MYO5B: variants seen among roughly 807,000 people sequenced by gnomAD.
MYO5B encodes the protein unconventional myosin-Vb.
Under a neutral mutation model 229.3 loss-of-function variants are expected in MYO5B, and 143 were observed. That is an observed-to-expected ratio of 0.62 (90% confidence interval 0.54 to 0.72). The LOEUF (loss-of-function observed/expected upper bound fraction) is 0.72, where lower values mean the gene tolerates loss of function less well. MYO5B is among the 30% of genes least tolerant of loss of function. The probability of loss-of-function intolerance (pLI) is 0.00; values close to 1 mark genes in which losing one functional copy is unlikely to be tolerated. For missense variants in MYO5B, 2,321 were observed against 2,331.0 expected (o/e 1.00, Z 0.09); for synonymous variants, 918 against 885.2 (o/e 1.04, Z -0.66).
chr18:50,093,949 T>G (rs2031500647), intron 1 of MYO5B, among the ~76,000 whole-genome samples: 1 of 152,212 alleles, frequency 6.6e-6, no homozygotes, highest in Non-Finnish European at 1.5e-5. Context: ...TTGTTTAGCA[T>G]GTAATCAAGA....
intron 7 of MYO5B, among the ~76,000 whole-genome samples, chr18:49,989,081 G>A (rs1019905273): frequency 6.6e-6 from 1 of 152,120 alleles, no homozygotes; most frequent in Admixed American, 6.5e-5. Flanking sequence ...CATCATAATT[G>A]ACAAGCTAAG....
At chr18:49,848,450 G>C (rs1199686741) in intron 32 of MYO5B, among the ~76,000 whole-genome samples, 1 of 152,230 alleles carries the variant, frequency 6.6e-6, no homozygotes, top group Admixed American at 6.5e-5. Context: ...GTGACACCCA[G>C]GGAAGGGTGC....
chr18:49,963,055 G>A (rs1450779819), intron 10 of MYO5B, 25 bp from the exon 11 acceptor site: 1 of 1,595,942 alleles, frequency 6.3e-7, no homozygotes, highest in Middle Eastern at 1.7e-4. Flanking sequence ...GAGAAGATAA[G>A]AGACGTCTCC....
intron 37 of MYO5B, 85 bp from the exon 38 acceptor site, chr18:49,836,970 C>G: frequency 4.6e-6 from 6 of 1,308,192 alleles, no homozygotes; most frequent in Non-Finnish European, 4.3e-6. Flanking sequence ...TTTGCAGGCC[C>G]GCTGCAGCTA....
chr18:49,975,716 C>G (rs970970645), intron 9 of MYO5B, among the ~76,000 whole-genome samples: 8 of 152,100 alleles, frequency 5.3e-5, no homozygotes, highest in Non-Finnish European at 1.2e-4. Context: ...CCAGTTTAGG[C>G]CTCTTTTCCT....
chr18:50,174,334 T>C (rs1427370997), intron 1 of MYO5B, among the ~76,000 whole-genome samples: 1 of 152,066 alleles, frequency 6.6e-6, no homozygotes, highest in Non-Finnish European at 1.5e-5. Flanking sequence ...CAGGGGATGG[T>C]GCACTCTCAC....
At chr18:50,080,053 T>C (rs906868374) in intron 1 of MYO5B, among the ~76,000 whole-genome samples, 10 of 152,230 alleles carry the variant, frequency 6.6e-5, no homozygotes, top group Non-Finnish European at 8.8e-5. Context: ...TGCAACTTAG[T>C]GGCCCTGAAT....
At chr18:49,964,594 T>C (rs2025600790) in intron 10 of MYO5B, among the ~76,000 whole-genome samples, 1 of 152,220 alleles carries the variant, frequency 6.6e-6, no homozygotes, top group Non-Finnish European at 1.5e-5. Flanking sequence ...AACTGTGTAA[T>C]GTTAGCTTTT....
Position 49,864,976 on chromosome 18 carries a change from G to A in MYO5B, c.3604-596C>T, listed in dbSNP as rs183379191. On this transcript the variant is annotated intron_variant, in intron 27 of 39. Coordinates refer to ENST00000285039, the MANE Select transcript of MYO5B (RefSeq NM_001080467.3). Reference sequence around the variant, plus strand: ...AATACCTACATACAGAATTGAATGTGCTATAGGAACTCAACTTTGGAACAT... The same window carrying A: ...AATACCTACATACAGAATTGAATGTACTATAGGAACTCAACTTTGGAACAT... Among the ~76,000 whole-genome samples, 4 of 152,282 alleles carry A rather than the reference G, an allele frequency of 2.6e-5. No individual in the cohort carries two copies. The East Asian group carries it at 7.7e-4, about 29-fold the overall frequency.
intron 1 of MYO5B, among the ~76,000 whole-genome samples, chr18:50,074,928 C>T (rs887810976): frequency 3.9e-5 from 6 of 152,102 alleles, no homozygotes; most frequent in Non-Finnish European, 5.9e-5. Context: ...TCAAGTGATT[C>T]TCCTGCCTCA....
At chr18:49,926,238 A>C (rs2025127361) in intron 17 of MYO5B, among the ~76,000 whole-genome samples, 1 of 152,190 alleles carries the variant, frequency 6.6e-6, no homozygotes, top group African/African-American at 2.4e-5. Flanking sequence ...GTCAAATGTA[A>C]ATTCCTAATT....
intron 22 of MYO5B, among the ~76,000 whole-genome samples, chr18:49,891,070 G>C (rs1347264676): frequency 6.6e-6 from 1 of 152,128 alleles, no homozygotes; most frequent in African/African-American, 2.4e-5. Flanking sequence ...CTTGAAGTCA[G>C]AAGATCCTTC....
intron 1 of MYO5B, among the ~76,000 whole-genome samples, chr18:50,079,528 G>C (rs1397772798): frequency 6.6e-6 from 1 of 152,170 alleles, no homozygotes; most frequent in Admixed American, 6.5e-5. Context: ...CCTTGAGGCA[G>C]AGCCCTTCCC....
intron 22 of MYO5B, among the ~76,000 whole-genome samples, chr18:49,886,974 T>C (rs937878684): frequency 1.9e-4 from 29 of 152,116 alleles, no homozygotes. Flanking sequence ...CCTCCAAATC[T>C]CGTGTTGAAA....
intron 1 of MYO5B, among the ~76,000 whole-genome samples, chr18:50,125,795 C>T (rs573899896): frequency 6.6e-6 from 1 of 152,312 alleles, no homozygotes; most frequent in South Asian, 2.1e-4. Flanking sequence ...AACAAGCAGA[C>T]TATCCATACA....
intron 3 of MYO5B, among the ~76,000 whole-genome samples, chr18:50,039,131 C>T (rs1363369662): frequency 1.3e-5 from 2 of 151,914 alleles, no homozygotes; most frequent in East Asian, 1.9e-4. Flanking sequence ...GAGGCGTTCC[C>T]TCCCGGGACA....
intron 23 of MYO5B, 99 bp from the exon 24 acceptor site, chr18:49,879,189 T>C (rs1231065699): frequency 6.8e-7 from 1 of 1,477,144 alleles, no homozygotes; most frequent in Non-Finnish European, 9.4e-7. Context: ...AGGCTGCCCA[T>C]GACGAGCTCA....
chr18:50,173,747 G>T (rs1395300732), intron 1 of MYO5B, among the ~76,000 whole-genome samples: 1 of 152,120 alleles, frequency 6.6e-6, no homozygotes, highest in African/African-American at 2.4e-5. Context: ...AGAGCTGGGG[G>T]GAGAAACAGG....
At chr18:49,829,229 G>C (rs1437376481) in intron 39 of MYO5B, among the ~76,000 whole-genome samples, 6 of 151,342 alleles carry the variant, frequency 4.0e-5, no homozygotes, top group African/African-American at 1.5e-4. Context: ...CAGGTGTGTG[G>C]GAAGACTAAA....
Sources: gnomAD v4.1 joint callset for allele counts (sites outside exome capture counted in the v4.1 genomes callset) on GRCh38, gnomAD v4.1.1 for gene constraint, MANE v1.5 for transcripts, NCBI Gene and HGNC (gene_info 2026-07-23, HGNC 2026-07-21) for gene names.